DRC9: variants seen among roughly 807,000 people sequenced by gnomAD.
DRC9 encodes dynein regulatory complex subunit 9.
the DRC9 span, chr3:197,953,415 G>A: frequency 2.2e-6 from 1 of 456,646 alleles, no homozygotes; most frequent in South Asian, 1.5e-5. Flanking sequence ...TTTGTACATT[G>A]CTCGAACCAC....
chr3:197,953,615 C>G, the DRC9 span: 2 of 458,090 alleles, frequency 4.4e-6, no homozygotes, highest in Non-Finnish European at 8.8e-6. Context: ...AGTCTTTGTT[C>G]CATGGTCACC....
chr3:197,941,493 C>CCCTCCCTT, the DRC9 span, among the ~76,000 whole-genome samples: 1 of 72,024 alleles, frequency 1.4e-5, no homozygotes, highest in African/African-American at 6.3e-5. Context: ...TCCCCTCCCT[C>CCCTCCCTT]CCTCCCTTCC....
At chr3:197,941,774 C>T in the DRC9 span, among the ~76,000 whole-genome samples, 1 of 151,660 alleles carries the variant, frequency 6.6e-6, no homozygotes, top group East Asian at 2.0e-4. Context: ...GCTGCCCAGG[C>T]TGGTCTCAAA....
At chr3:197,919,110 T>G in the DRC9 span, among the ~76,000 whole-genome samples, 1 of 152,136 alleles carries the variant, frequency 6.6e-6, no homozygotes, top group Non-Finnish European at 1.5e-5. Flanking sequence ...GCCCGGCCAA[T>G]GTAAGTGTTT....
the DRC9 span, among the ~76,000 whole-genome samples, chr3:197,910,966 C>T: frequency 4.5e-4 from 57 of 125,758 alleles, no homozygotes; most frequent in East Asian, 8.3e-3. Context: ...AGCAAGACTG[C>T]ATCTCAAAAA....
At chr3:197,933,269 C>T in the DRC9 span, among the ~76,000 whole-genome samples, 19 of 151,266 alleles carry the variant, frequency 1.3e-4, no homozygotes, top group Admixed American at 4.0e-4. Flanking sequence ...AGTGAAACCT[C>T]GTCTCTACTA....
At chr3:197,899,204 A>T in the DRC9 span, among the ~76,000 whole-genome samples, 5 of 152,362 alleles carry the variant, frequency 3.3e-5, no homozygotes, top group African/African-American at 1.2e-4. Context: ...ATTGAATTTT[A>T]TCAAGCTTCA....
chr3:197,891,720 T>C, the DRC9 span, among the ~76,000 whole-genome samples: 4 of 152,268 alleles, frequency 2.6e-5, no homozygotes, highest in Non-Finnish European at 5.9e-5. Context: ...ATATTAACTT[T>C]ATAATTGTTC....
At chr3:197,950,295 C>G in the DRC9 span, 3 of 1,230,130 alleles carry the variant, frequency 2.4e-6, no homozygotes, top group Non-Finnish European at 3.0e-6. Context: ...CTTGGCGAGT[C>G]GCCGGTGCGT....
the DRC9 span, among the ~76,000 whole-genome samples, chr3:197,933,378 T>C: frequency 6.6e-6 from 1 of 151,966 alleles, no homozygotes; most frequent in African/African-American, 2.4e-5. Flanking sequence ...AAGGCAGAGG[T>C]TACAGTGAGC....
chr3:197,950,538 T>C, the DRC9 span: 3 of 314,254 alleles, frequency 9.5e-6, no homozygotes, highest in Non-Finnish European at 1.7e-5. Flanking sequence ...ATACCTTCCT[T>C]GGCTTGTCTG....
At chr3:197,945,148 T>A in the DRC9 span, among the ~76,000 whole-genome samples, 10 of 151,910 alleles carry the variant, frequency 6.6e-5, no homozygotes, top group African/African-American at 2.4e-4. Context: ...GATGACGGAG[T>A]GTGACTTGCA....
the DRC9 span, chr3:197,958,401 C>T: frequency 6.6e-6 from 1 of 152,188 alleles, no homozygotes; most frequent in Non-Finnish European, 1.5e-5. Flanking sequence ...TTTTCAGTCT[C>T]AAATGGAGAA....
At chr3:197,948,114 G>A in the DRC9 span, among the ~76,000 whole-genome samples, 3 of 151,758 alleles carry the variant, frequency 2.0e-5, no homozygotes, top group South Asian at 6.3e-4. Context: ...TGTATTTTTA[G>A]TAGAGACAGG....
chr3:197,929,784 T>C, the DRC9 span, among the ~76,000 whole-genome samples: 4 of 151,230 alleles, frequency 2.6e-5, no homozygotes, highest in East Asian at 5.9e-4. This position sits in a 1 kb window ranked among gnomAD's most constrained non-coding sequence, Gnocchi z 4.6. Flanking sequence ...AATTTAGATG[T>C]AAATTAAAAA....
the DRC9 span, among the ~76,000 whole-genome samples, chr3:197,893,084 G>A: frequency 3.9e-5 from 6 of 152,096 alleles, no homozygotes; most frequent in African/African-American, 1.2e-4. Context: ...GGGGCCAGGC[G>A]CGGTGGCTCA....
the DRC9 span, among the ~76,000 whole-genome samples, chr3:197,903,833 A>C: frequency 6.6e-6 from 1 of 151,340 alleles, no homozygotes; most frequent in Non-Finnish European, 1.5e-5. Context: ...AAAAGGGCCG[A>C]GTGTAGTCAC....
chr3:197,938,553 A>T, the DRC9 span: 1 of 1,608,372 alleles, frequency 6.2e-7, no homozygotes, highest in South Asian at 1.1e-5. Flanking sequence ...CTTACCTATC[A>T]ATCTGAATTT....
chr3:197,932,052 A>T, the DRC9 span: 2 of 1,051,980 alleles, frequency 1.9e-6, no homozygotes, highest in Non-Finnish European at 2.8e-6. Flanking sequence ...CCAAATTCTG[A>T]CTTCTAGTTA....
Sources: gnomAD v4.1 joint callset for allele counts (sites outside exome capture counted in the v4.1 genomes callset) on GRCh38, gnomAD v4.1.1 for gene constraint, Gnocchi (gnomAD v3.1) non-coding constraint, MANE v1.5 for transcripts, NCBI Gene and HGNC (gene_info 2026-07-23, HGNC 2026-07-21) for gene names.